Variants in MAMDC2 observed in about 807,000 individuals in gnomAD.
MAMDC2 encodes the protein MAM domain containing 2.
Under a neutral mutation model 89.8 loss-of-function variants are expected in MAMDC2, and 57 were observed. The ratio of observed to expected loss-of-function variants is 0.63; its 90% CI spans 0.51 to 0.79. The LOEUF (loss-of-function observed/expected upper bound fraction) is 0.79. Ranked by LOEUF, MAMDC2 falls within the 30% of genes least tolerant of loss-of-function variation. The pLI, the probability that MAMDC2 is intolerant of heterozygous loss-of-function variation, is 0.00. For missense variants in MAMDC2, 800 were observed against 820.6 expected (o/e 0.97, Z 0.31); for synonymous variants, 313 against 293.4 (o/e 1.07, Z -0.68).
In MAMDC2 at chr9:70,126,331, C is replaced by A. The variant is rs2296772; in HGVS notation, c.816C>A (p.Tyr272Ter). 6.2e-7 allele frequency: 1 copy of A among 1,613,854 alleles called. No individual in the cohort carries two copies. Among genetic ancestry groups the A allele is most frequent in the Non-Finnish European group, 8.5e-7 (1 of 1,179,956 alleles). ...SLYTRDVAGLYEEIWKADRPG... is the reference protein window; with the variant it reads ...SLYTRDVAGL ...ACACTCGGGATGTGGCTGGCCTTTA[C>A]GAGGAAATCTGGAAAGCAGACAGGC... Residue 272 changes from tyrosine to a stop codon, truncating the protein, a stop_gained, in exon 6 of 14, where the codon TAC becomes TAA. Transcript: ENST00000377182. LOFTEE classifies it high-confidence loss of function.
intron 2 of MAMDC2, among the ~76,000 whole-genome samples, chr9:70,065,165 C>G (rs1442539541): frequency 6.6e-6 from 1 of 152,168 alleles, no homozygotes; most frequent in Non-Finnish European, 1.5e-5. Flanking sequence ...TATCGGTTTT[C>G]TAAATCTTGA....
intron 2 of MAMDC2, among the ~76,000 whole-genome samples, chr9:70,106,808 G>A (rs978557145): frequency 1.4e-4 from 22 of 152,146 alleles, no homozygotes; most frequent in Non-Finnish European, 2.6e-4. Flanking sequence ...AAATCCTTCA[G>A]TCGGCAAGAA....
intron 4 of MAMDC2, among the ~76,000 whole-genome samples, chr9:70,110,713 T>C (rs1022440678): frequency 7.2e-5 from 11 of 152,266 alleles, no homozygotes; most frequent in African/African-American, 2.6e-4. Flanking sequence ...GCAGCTGCAC[T>C]TTCAGATGAC....
intron 5 of MAMDC2, among the ~76,000 whole-genome samples, chr9:70,117,027 A>T (rs1404135040): frequency 2.6e-5 from 4 of 152,166 alleles, no homozygotes; most frequent in Non-Finnish European, 5.9e-5. Context: ...AAAGAAGCTG[A>T]CCTGAGGGCT....
intron 11 of MAMDC2, among the ~76,000 whole-genome samples, chr9:70,207,720 G>T (rs1189012556): frequency 6.6e-6 from 1 of 152,162 alleles, no homozygotes; most frequent in African/African-American, 2.4e-5. Flanking sequence ...CCTATGTCCT[G>T]AATGGTATTG....
At chr9:70,224,507 T>C (rs1394542411) in intron 12 of MAMDC2, among the ~76,000 whole-genome samples, 2 of 152,170 alleles carry the variant, frequency 1.3e-5, no homozygotes, top group African/African-American at 4.8e-5. Context: ...TCCAGAAGTC[T>C]GAAGACTGAA....
At chr9:70,200,861 G>A (rs2033087414) in intron 11 of MAMDC2, among the ~76,000 whole-genome samples, 1 of 145,318 alleles carries the variant, frequency 6.9e-6, no homozygotes, top group African/African-American at 2.6e-5. Flanking sequence ...TTTGTCTGTT[G>A]TTGGTGTATA....
At chr9:70,174,319 G>A (rs2032433952) in intron 11 of MAMDC2, among the ~76,000 whole-genome samples, 1 of 152,164 alleles carries the variant, frequency 6.6e-6, no homozygotes, top group African/African-American at 2.4e-5. Context: ...AGAGGAGACA[G>A]ACAAGAAATA....
At chr9:70,202,370 G>A (rs1301177066) in intron 11 of MAMDC2, among the ~76,000 whole-genome samples, 1 of 152,088 alleles carries the variant, frequency 6.6e-6, no homozygotes, top group Admixed American at 6.5e-5. Flanking sequence ...GGCTTTGAGT[G>A]GGATTCTTAA....
chr9:70,106,585 A>G (rs1828347839), intron 2 of MAMDC2, among the ~76,000 whole-genome samples: 1 of 152,202 alleles, frequency 6.6e-6, no homozygotes, highest in East Asian at 1.9e-4. Context: ...TTCACCTTGG[A>G]AATGCACGTG....
At chr9:70,075,872 A>G (rs985359732) in intron 2 of MAMDC2, among the ~76,000 whole-genome samples, 1 of 152,246 alleles carries the variant, frequency 6.6e-6, no homozygotes, top group Non-Finnish European at 1.5e-5. Context: ...GGAAGAATGC[A>G]GGCAATCACT....
At chr9:70,195,686 A>G (rs2032962509) in intron 11 of MAMDC2, among the ~76,000 whole-genome samples, 1 of 151,956 alleles carries the variant, frequency 6.6e-6, no homozygotes, top group South Asian at 2.1e-4. Flanking sequence ...CTTAATAGCC[A>G]TCTCCATTAT....
Position 70,096,294 on chromosome 9 carries a change from A to G in MAMDC2, c.149-11917A>G, listed in dbSNP as rs144010306. On this transcript the variant is annotated intron_variant, in intron 2 of 13. Coordinates refer to ENST00000377182, the MANE Select transcript of MAMDC2 (RefSeq NM_153267.5). ...CAGCCTCCCAAAGTGCTGGGATTAC[A>G]GCTGTGAGCCACTGCACCAGTCTGG... Among the ~76,000 whole-genome samples, 76 of 152,274 alleles carry G rather than the reference A, an allele frequency of 5.0e-4. No homozygotes were observed. In the East Asian group the frequency reaches 0.014, roughly 29 times the overall value.
intron 5 of MAMDC2, among the ~76,000 whole-genome samples, chr9:70,121,119 G>A (rs2030264498): frequency 6.6e-6 from 1 of 152,330 alleles, no homozygotes; most frequent in South Asian, 2.1e-4. Context: ...CCAAGCCAAG[G>A]GCAGTCTTAG....
chr9:70,174,925 C>T (rs949908219), intron 11 of MAMDC2, among the ~76,000 whole-genome samples: 4 of 151,948 alleles, frequency 2.6e-5, no homozygotes, highest in African/African-American at 4.8e-5. Flanking sequence ...AGGGTTTTGC[C>T]GTGTTGGTCA....
At position 70,219,928 on chromosome 9, in the gene MAMDC2, T is replaced by C. The variant is rs184853725; in HGVS notation, c.1911+1332T>C. On this transcript the variant is annotated intron_variant, in intron 12 of 13. Coordinates refer to ENST00000377182, the MANE Select transcript of MAMDC2 (RefSeq NM_153267.5). Reference sequence around the variant, plus strand: ...CCAGCAGCATCAGCAATACCTGAAATGCAAATTCACTTGAAACACAAATTC... The same window carrying C: ...CCAGCAGCATCAGCAATACCTGAAACGCAAATTCACTTGAAACACAAATTC... Among the ~76,000 whole-genome samples the C allele has an allele frequency of 1.9e-3, 295 of 152,280 alleles. 1 individual carries two copies. Among genetic ancestry groups the C allele is most frequent in the African/African-American group, 6.7e-3 (280 of 41,570 alleles).
chr9:70,140,038 T>G, intron 7 of MAMDC2, 107 bp from the exon 8 acceptor site: 1 of 1,191,106 alleles, frequency 8.4e-7, no homozygotes, highest in Non-Finnish European at 1.1e-6. Flanking sequence ...TTTTACTTCT[T>G]CGGTCTCCCC....
intron 2 of MAMDC2, among the ~76,000 whole-genome samples, chr9:70,049,501 T>C (rs1430604512): frequency 6.6e-6 from 1 of 152,146 alleles, no homozygotes; most frequent in Non-Finnish European, 1.5e-5. Flanking sequence ...CTACAGCTCC[T>C]TTCCTGATTT....
intron 11 of MAMDC2, among the ~76,000 whole-genome samples, chr9:70,179,642 C>A (rs2309636): frequency 4.8e-5 from 7 of 146,744 alleles, no homozygotes; most frequent in African/African-American, 7.5e-5. Context: ...AAAACAAAAG[C>A]TTTAAAATCT....
Sources: allele counts gnomAD v4.1 joint callset (sites outside exome capture counted in the v4.1 genomes callset), GRCh38; gene constraint gnomAD v4.1.1; transcripts MANE v1.5; gene names NCBI Gene and HGNC (gene_info 2026-07-23, HGNC 2026-07-21).